The following ENOX1 variants were observed in gnomAD, a reference collection of about 807,000 sequenced individuals.
ENOX1 encodes the protein ecto-NOX disulfide-thiol exchanger 1.
A neutral mutation model predicts 82.5 loss-of-function variants in ENOX1; 42 were observed. The ratio of observed to expected loss-of-function variants is 0.51; its 90% CI spans 0.40 to 0.66. ENOX1 has a LOEUF of 0.66. Ranked by LOEUF, ENOX1 falls within the 30% of genes least tolerant of loss-of-function variation. The probability of loss-of-function intolerance (pLI) is 0.00; values close to 1 mark genes in which losing one functional copy is unlikely to be tolerated. For synonymous variants in ENOX1, 271 were observed against 282.2 expected (o/e 0.96, Z 0.40); for missense variants, 608 against 811.6 (o/e 0.75, Z 3.05).
At chr13:43,229,077 AATAAGTCTCGTGAGATCTGATGGTTTT>A (rs1366917887) in intron 15 of ENOX1, among the ~76,000 whole-genome samples, 2 of 152,188 alleles carry the variant, frequency 1.3e-5, no homozygotes, top group East Asian at 3.8e-4. Context: ...CATGCTAGTG[AATAAGTCTCGTGAGATCTGATGGTTTT>A]ATAAGGGGAA....
intron 1 of ENOX1, among the ~76,000 whole-genome samples, chr13:43,717,070 G>A (rs950889182): frequency 2.0e-5 from 3 of 151,982 alleles, no homozygotes; most frequent in African/African-American, 7.2e-5. Flanking sequence ...CCAAAAAAAA[G>A]CCTGAATAGC....
intron 1 of ENOX1, among the ~76,000 whole-genome samples, chr13:43,719,193 T>C (rs1356120980): frequency 6.6e-6 from 1 of 152,146 alleles, no homozygotes; most frequent in East Asian, 1.9e-4. Context: ...ACAAAGCTTC[T>C]TAAGCCTCTT....
intron 15 of ENOX1, among the ~76,000 whole-genome samples, chr13:43,229,674 G>A (rs897506101): frequency 4.6e-5 from 7 of 152,190 alleles, no homozygotes; most frequent in Admixed American, 2.0e-4. Context: ...GGAACTGGGA[G>A]GCCAGTTGGA....
intron 2 of ENOX1, among the ~76,000 whole-genome samples, chr13:43,621,432 T>G (rs893542241): frequency 1.6e-4 from 24 of 152,214 alleles, no homozygotes; most frequent in Admixed American, 1.6e-3. Context: ...TAGCAGTTCC[T>G]GTAGTGGTGG....
chr13:43,721,244 G>A lies in ENOX1; in HGVS notation c.-284-53700C>T, dbSNP rs2088553998. On this transcript the variant is annotated intron_variant, in intron 1 of 16. Transcript: ENST00000690772. Reference sequence around the variant, plus strand: ...TAAAACCAGTATTGCACAATATACAGATGAATGGTAAAATTCATGCTAATA... The same window carrying A: ...TAAAACCAGTATTGCACAATATACAAATGAATGGTAAAATTCATGCTAATA... 2.0e-5 allele frequency among the ~76,000 whole-genome samples: 3 copies of A among 152,132 alleles called. 1 individual carries two copies. Among genetic ancestry groups the A allele is most frequent in the African/African-American group, 7.2e-5 (3 of 41,510 alleles).
chr13:43,455,271 T>C (rs889230806), intron 3 of ENOX1, among the ~76,000 whole-genome samples: 1 of 152,226 alleles, frequency 6.6e-6, no homozygotes, highest in Non-Finnish European at 1.5e-5. Flanking sequence ...GCTTCCAGTA[T>C]TGCAGTCTCA....
intron 1 of ENOX1, among the ~76,000 whole-genome samples, chr13:43,735,581 C>T (rs944940218): frequency 2.0e-5 from 3 of 152,004 alleles, no homozygotes; most frequent in Non-Finnish European, 2.9e-5. Flanking sequence ...ATTAGCTGGG[C>T]CTGGCAGCGT....
chr13:43,640,839 C>G (rs184767643), intron 2 of ENOX1, among the ~76,000 whole-genome samples: 2 of 152,022 alleles, frequency 1.3e-5, no homozygotes, highest in East Asian at 3.9e-4. Flanking sequence ...ATATGCCTCC[C>G]AATTACTTGT....
At chr13:43,710,202 C>G (rs148589653) in intron 1 of ENOX1, among the ~76,000 whole-genome samples, 67 of 151,958 alleles carry the variant, frequency 4.4e-4, no homozygotes, top group African/African-American at 1.5e-3. Flanking sequence ...GAGACTATGG[C>G]AAAGATAACA....
intron 2 of ENOX1, among the ~76,000 whole-genome samples, chr13:43,646,442 C>A (rs2153772892): frequency 6.6e-6 from 1 of 152,284 alleles, no homozygotes; most frequent in East Asian, 1.9e-4. Flanking sequence ...GCAGTTAGGG[C>A]AAAACTAAGG....
At chr13:43,759,651 T>G (rs941111440) in intron 1 of ENOX1, among the ~76,000 whole-genome samples, 6 of 152,358 alleles carry the variant, frequency 3.9e-5, no homozygotes, top group South Asian at 2.1e-4. Context: ...TCAGAATCAT[T>G]TGATAAACAT....
chr13:43,696,795 C>CT (rs5803203), intron 1 of ENOX1, among the ~76,000 whole-genome samples: 108,879 of 140,734 alleles, frequency 0.77, 44,056 homozygotes, highest in South Asian at 0.91. Flanking sequence ...GATTCCTTTG[C>CT]TTTTTTTTTT....
chr13:43,531,369 A>G (rs1361703568), intron 2 of ENOX1, among the ~76,000 whole-genome samples: 1 of 152,024 alleles, frequency 6.6e-6, no homozygotes, highest in African/African-American at 2.4e-5. Flanking sequence ...CAAAACCACA[A>G]TGAGACACCA....
chr13:43,477,206 A>G (rs1007721820), intron 3 of ENOX1, among the ~76,000 whole-genome samples: 1 of 151,214 alleles, frequency 6.6e-6, no homozygotes, highest in Non-Finnish European at 1.5e-5. Context: ...ATATAGAGAG[A>G]TTAATTATAA....
intron 8 of ENOX1, among the ~76,000 whole-genome samples, chr13:43,348,692 C>A (rs2049558046): frequency 6.6e-6 from 1 of 152,188 alleles, no homozygotes; most frequent in African/African-American, 2.4e-5. Context: ...CACTTGGTAG[C>A]CACCTGGGTT....
intron 1 of ENOX1, among the ~76,000 whole-genome samples, chr13:43,717,998 G>C (rs1256683058): frequency 1.3e-5 from 2 of 152,152 alleles, no homozygotes; most frequent in Non-Finnish European, 2.9e-5. Flanking sequence ...AGTTATAATA[G>C]AACTTCCATT....
chr13:43,394,231 C>A (rs1033049537), intron 5 of ENOX1, among the ~76,000 whole-genome samples: 6 of 152,158 alleles, frequency 3.9e-5, no homozygotes, highest in African/African-American at 1.4e-4. Context: ...AAAATTCTTA[C>A]AGAGAATGAA....
chr13:43,438,519 T>C (rs1024422056), intron 3 of ENOX1, among the ~76,000 whole-genome samples: 3 of 152,228 alleles, frequency 2.0e-5, no homozygotes, highest in African/African-American at 7.2e-5. Flanking sequence ...GGGATTTCCA[T>C]GGCACAAGAA....
chr13:43,613,434 T>A (rs1328725784), intron 2 of ENOX1, among the ~76,000 whole-genome samples: 1 of 152,164 alleles, frequency 6.6e-6, no homozygotes, highest in African/African-American at 2.4e-5. Context: ...AATGAGTGAA[T>A]TTTATGGTAT....
Sources: allele counts gnomAD v4.1 joint callset (sites outside exome capture counted in the v4.1 genomes callset), GRCh38; gene constraint gnomAD v4.1.1; transcripts MANE v1.5; gene names NCBI Gene and HGNC (gene_info 2026-07-23, HGNC 2026-07-21).